The following C1QTNF3 variants were observed in gnomAD, a reference collection of about 807,000 sequenced individuals.
C1QTNF3 encodes C1q and TNF related 3, also known as complement C1q tumor necrosis factor-related protein 3.
A neutral mutation model predicts 32.6 loss-of-function variants in C1QTNF3; 26 were observed. The ratio of observed to expected loss-of-function variants is 0.80; its 90% CI spans 0.58 to 1.11. The LOEUF is 1.11. Among genes scored for constraint, C1QTNF3 ranks in the 50% least tolerant of loss-of-function variants. The pLI, the probability that C1QTNF3 is intolerant of heterozygous loss-of-function variation, is 0.00. For synonymous variants in C1QTNF3, 155 were observed against 146.0 expected, an observed-to-expected ratio of 1.06 and a Z score of -0.44; for missense variants, 362 against 398.2, an observed-to-expected ratio of 0.91 and a Z score of 0.77.
the C1QTNF3 span, among the ~76,000 whole-genome samples, chr5:34,159,700 C>A: frequency 6.6e-6 from 1 of 151,650 alleles, no homozygotes; most frequent in Non-Finnish European, 1.5e-5. Context: ...TGAGGACTTG[C>A]CAAGTAATAT....
chr5:34,150,411 TC>T, the C1QTNF3 span, among the ~76,000 whole-genome samples: 9 of 92,736 alleles, frequency 9.7e-5, no homozygotes, highest in Admixed American at 9.3e-4. Context: ...TACATTTTTT[TC>T]AGCACCACAC....
the C1QTNF3 span, among the ~76,000 whole-genome samples, chr5:34,138,364 TATAAA>T: frequency 6.6e-6 from 1 of 152,178 alleles, no homozygotes; most frequent in Non-Finnish European, 1.5e-5. Context: ...ATATACAACA[TATAAA>T]ATAATTACTC....
At chr5:34,124,185 C>T in the C1QTNF3 span, 2 of 407,110 alleles carry the variant, frequency 4.9e-6, 1 homozygote, top group Non-Finnish European at 8.7e-6. Context: ...ATTAGCCGTC[C>T]TTTTATTAAT....
chr5:34,056,471 T>C, the C1QTNF3 span, among the ~76,000 whole-genome samples: 5 of 110,114 alleles, frequency 4.5e-5, 1 homozygote, highest in Non-Finnish European at 5.4e-5. Context: ...TATATATATA[T>C]ATATATATAG....
chr5:34,144,373 C>T, the C1QTNF3 span, among the ~76,000 whole-genome samples: 1 of 152,176 alleles, frequency 6.6e-6, no homozygotes, highest in Non-Finnish European at 1.5e-5. Flanking sequence ...AAGCAGAACT[C>T]TAACAAAGAA....
At chr5:34,028,390 G>C (rs982239429) in intron 4 of C1QTNF3, among the ~76,000 whole-genome samples, 17 of 152,154 alleles carry the variant, frequency 1.1e-4, no homozygotes, top group African/African-American at 4.1e-4. Context: ...CATTTAAACT[G>C]AGAATTATGT....
chr5:34,240,449 T>C, the C1QTNF3 span, among the ~76,000 whole-genome samples: 1 of 150,574 alleles, frequency 6.6e-6, no homozygotes, highest in Non-Finnish European at 1.5e-5. Flanking sequence ...TTAAAAATGG[T>C]CCCACAGACA....
chr5:34,032,722 C>T (rs758300728), intron 3 of C1QTNF3, among the ~76,000 whole-genome samples: 13 of 152,030 alleles, frequency 8.6e-5, no homozygotes, highest in South Asian at 6.2e-4. Flanking sequence ...CTCAAACCCA[C>T]GAGGAAGAGG....
At chr5:34,240,255 C>T in the C1QTNF3 span, among the ~76,000 whole-genome samples, 2 of 150,340 alleles carry the variant, frequency 1.3e-5, no homozygotes, top group Non-Finnish European at 3.0e-5. Context: ...TACATCAACG[C>T]TAGGAATGAA....
At chr5:34,108,324 T>A in the C1QTNF3 span, among the ~76,000 whole-genome samples, 1 of 152,146 alleles carries the variant, frequency 6.6e-6, no homozygotes, top group Non-Finnish European at 1.5e-5. Context: ...ACATAGACTA[T>A]GAAATGGCTT....
chr5:34,056,454 G>GTGTGTATA, the C1QTNF3 span, among the ~76,000 whole-genome samples: 810 of 47,708 alleles, frequency 0.017, 26 homozygotes, highest in Non-Finnish European at 0.024. Flanking sequence ...GTGTGTGTGT[G>GTGTGTATA]TATATATATA....
the C1QTNF3 span, among the ~76,000 whole-genome samples, chr5:34,101,109 C>T: frequency 6.6e-6 from 1 of 151,516 alleles, no homozygotes; most frequent in African/African-American, 2.4e-5. Flanking sequence ...AAATAGCTTT[C>T]TTTTTGTAAT....
chr5:34,183,222 C>T, the C1QTNF3 span, among the ~76,000 whole-genome samples: 1 of 152,082 alleles, frequency 6.6e-6, no homozygotes, highest in Admixed American at 6.5e-5. Context: ...CGTGATCCGC[C>T]TGCCTCGGCC....
chr5:34,113,340 G>A, the C1QTNF3 span, among the ~76,000 whole-genome samples: 5 of 150,510 alleles, frequency 3.3e-5, no homozygotes, highest in East Asian at 2.0e-4. Flanking sequence ...AGGCAGATTC[G>A]GTGAACAAGC....
the C1QTNF3 span, among the ~76,000 whole-genome samples, chr5:34,052,553 C>T: frequency 6.6e-6 from 1 of 152,208 alleles, no homozygotes; most frequent in Admixed American, 6.5e-5. Flanking sequence ...AGTTCCATCT[C>T]CTTGACTTTC....
At chr5:34,170,945 T>C in the C1QTNF3 span, among the ~76,000 whole-genome samples, 2 of 152,272 alleles carry the variant, frequency 1.3e-5, no homozygotes, top group East Asian at 3.9e-4. Flanking sequence ...TCCCAGAGAT[T>C]GAGGGAGGTC....
At chr5:34,201,025 T>A in the C1QTNF3 span, 1 of 152,142 alleles carries the variant, frequency 6.6e-6, no homozygotes, top group African/African-American at 2.4e-5. Context: ...TAATCATTAT[T>A]CACTTATCTA....
the C1QTNF3 span, chr5:34,165,164 GCTGT>G: frequency 6.6e-6 from 1 of 152,126 alleles, no homozygotes; most frequent in Admixed American, 6.5e-5. Flanking sequence ...TTGCAAAGTG[GCTGT>G]CTGAGTTCTC....
At chr5:34,177,149 A>AC in the C1QTNF3 span, among the ~76,000 whole-genome samples, 6 of 152,150 alleles carry the variant, frequency 3.9e-5, no homozygotes, top group Non-Finnish European at 8.8e-5. Context: ...TGATTACGCC[A>AC]CTGCACTCCA....
Sources: allele counts gnomAD v4.1 joint callset (sites outside exome capture counted in the v4.1 genomes callset), GRCh38; gene constraint gnomAD v4.1.1; transcripts MANE v1.5; gene names NCBI Gene and HGNC (gene_info 2026-07-23, HGNC 2026-07-21).